The following ZNF821 variants were observed in gnomAD, a reference collection of about 807,000 sequenced individuals.
ZNF821 encodes the protein zinc finger protein 821.
ZNF821 carries 16 observed loss-of-function variants against 44.3 expected under a neutral mutation model. The ratio of observed to expected loss-of-function variants is 0.36; its 90% CI spans 0.24 to 0.55. The LOEUF (loss-of-function observed/expected upper bound fraction) is 0.55, where lower values mean the gene tolerates loss of function less well. Among genes scored for constraint, ZNF821 ranks in the 20% least tolerant of loss-of-function variants. ZNF821 has a pLI of 0.86. For missense variants in ZNF821, 436 were observed against 547.6 expected, an observed-to-expected ratio of 0.80 and a Z score of 2.03; for synonymous variants, 204 against 197.6, an observed-to-expected ratio of 1.03 and a Z score of -0.27.
At chr16:71,876,801 T>A (rs1052562800) in intron 3 of ZNF821, among the ~76,000 whole-genome samples, 1 of 151,798 alleles carries the variant, frequency 6.6e-6, no homozygotes, top group Admixed American at 6.6e-5. Flanking sequence ...ACAGATGGAG[T>A]TTTGCCTTGT....
intron 6 of ZNF821, among the ~76,000 whole-genome samples, chr16:71,862,807 CCT>C (rs2034056359): frequency 6.6e-6 from 1 of 152,128 alleles, no homozygotes; most frequent in African/African-American, 2.4e-5. Context: ...GTACAGGTGC[CCT>C]GTGATTGGAT....
intron 1 of ZNF821, chr16:71,894,698 C>CTTTTTTT: frequency 9.0e-6 from 4 of 443,580 alleles, no homozygotes; most frequent in Non-Finnish European, 1.2e-5. Flanking sequence ...TAATTTTTAA[C>CTTTTTTT]TTTTTTTTTT....
chr16:71,888,643 T>C (rs536684390), upstream of ZNF821, among the ~76,000 whole-genome samples: 1 of 152,202 alleles, frequency 6.6e-6, no homozygotes, highest in African/African-American at 2.4e-5. Context: ...TGCCTATCCT[T>C]ATGCCACTAT....
exon 1 of ZNF821, chr16:71,895,052 AAGAGT>A (rs2142507645): frequency 2.1e-6 from 1 of 487,494 alleles, no homozygotes; most frequent in East Asian, 3.6e-5. Context: ...GCGCTGGGTG[AAGAGT>A]CAGGGATACG....
intron 6 of ZNF821, among the ~76,000 whole-genome samples, chr16:71,863,307 A>G (rs1225709038): frequency 6.6e-6 from 1 of 151,832 alleles, no homozygotes; most frequent in African/African-American, 2.4e-5. Context: ...AAAATCACTT[A>G]ATTTTCACAG....
At position 71,860,759 on chromosome 16, in the gene ZNF821, C is replaced by T; in HGVS notation, c.585-87G>A. The stretch of plus-strand genomic sequence containing the variant: ...CTGCCTTATTCTTTTCCTATGAGGC[C>T]AGTGGCTCCACGCTCACCACAAGGG... On this transcript the variant is annotated intron_variant, in intron 7 of 7. Transcript: ENST00000425432. This position sits in a 1 kb window ranked among gnomAD's most constrained non-coding sequence, Gnocchi z 7.3. 7.3e-7 allele frequency: 1 copy of T among 1,367,356 alleles called. No homozygotes were observed. Among genetic ancestry groups the T allele is most frequent in the South Asian group, 1.4e-5 (1 of 72,240 alleles). 84.7% of individuals were successfully genotyped at this position (1,367,356 alleles called of 1,614,324 possible).
chr16:71,879,383 G>A (rs1456007974), intron 3 of ZNF821, among the ~76,000 whole-genome samples: 1 of 151,820 alleles, frequency 6.6e-6, no homozygotes, highest in African/African-American at 2.4e-5. Flanking sequence ...CCCAGTTCAG[G>A]CGCATGGTCT....
chr16:71,863,741 A>T (rs2034204033), intron 6 of ZNF821, among the ~76,000 whole-genome samples: 1 of 151,818 alleles, frequency 6.6e-6, no homozygotes, highest in African/African-American at 2.4e-5. Context: ...TCTGTCACCC[A>T]GGCTGGAGTG....
intron 1 of ZNF821, 55 bp downstream of exon 1, chr16:71,883,853 C>T (rs1743533758): frequency 1.3e-5 from 2 of 152,666 alleles, no homozygotes; most frequent in African/African-American, 2.4e-5. Flanking sequence ...CGCGAGGGGG[C>T]GAGGAGCCCG....
At chr16:71,891,994 T>TTA (rs2036888436) in intron 1 of ZNF821, among the ~76,000 whole-genome samples, 1 of 21,734 alleles carries the variant, frequency 4.6e-5, no homozygotes, top group Non-Finnish European at 7.3e-5. Flanking sequence ...AGACTCCGTC[T>TTA]CAAAAAAAAA....
Position 71,881,274 on chromosome 16 carries a change from TAGA to T in ZNF821, c.-77-1254_-77-1252del, listed in dbSNP as rs1482651335. On this transcript the variant is annotated intron_variant, in intron 2 of 7. Transcript: ENST00000425432. ...ATGCCAACTAACTCCTCTATGTAGC[TAGA>T]AGGACCTCAAACCTATAATCAGATC... is the stretch of plus-strand genomic sequence containing the variant. 2.6e-5 allele frequency: 4 copies of T among 152,330 alleles called. No homozygotes were observed. The East Asian group carries it at 7.7e-4, about 29-fold the overall frequency. The allele number at this position is 152,330 out of a possible 1,614,324, so 9.4% of individuals were successfully genotyped here. A position where few individuals can be genotyped will look rare whatever the true frequency, so the allele number is the denominator to read the frequency against.
chr16:71,884,870 T>G (rs1485898462), upstream of ZNF821: 1 of 142,206 alleles, frequency 7.0e-6, no homozygotes, highest in Admixed American at 6.8e-5. Context: ...TTTTTTTTTT[T>G]TTTTTGAGAC....
chr16:71,878,169 C>T (rs968786074), intron 3 of ZNF821, among the ~76,000 whole-genome samples: 6 of 147,516 alleles, frequency 4.1e-5, no homozygotes, highest in East Asian at 2.0e-4. Flanking sequence ...GTCAGTGACA[C>T]GATCTTGGCT....
chr16:71,878,696 G>T (rs182944574), intron 3 of ZNF821, among the ~76,000 whole-genome samples: 23 of 152,094 alleles, frequency 1.5e-4, no homozygotes, highest in Admixed American at 8.5e-4. Context: ...TTGGGAGCCC[G>T]AGGTGGCCAG....
chr16:71,878,692 G>A (rs549590648), intron 3 of ZNF821, among the ~76,000 whole-genome samples: 4 of 152,102 alleles, frequency 2.6e-5, no homozygotes, highest in Admixed American at 2.0e-4. Context: ...CACTTTGGGA[G>A]CCCGAGGTGG....
At chr16:71,877,836 C>T (rs549627283) in intron 3 of ZNF821, among the ~76,000 whole-genome samples, 17 of 151,234 alleles carry the variant, frequency 1.1e-4, no homozygotes, top group Admixed American at 9.2e-4. Context: ...GGGAGGATCG[C>T]TTGAGCCCAG....
intron 1 of ZNF821, among the ~76,000 whole-genome samples, chr16:71,891,784 C>A (rs1025564334): frequency 6.6e-6 from 1 of 151,836 alleles, no homozygotes; most frequent in Non-Finnish European, 1.5e-5. Flanking sequence ...CTGAGGCGGG[C>A]GGATCATGAG....
In ZNF821 at chr16:71,892,178, CAAAAAAAAAAAAAAAAA is replaced by C. The variant is rs560376648; in HGVS notation, n.448+2694_448+2710del. Reference sequence around the variant, plus strand: ...GGGCAACAAGAGAGAAACTCCGTCTCAAAAAAAAAAAAAAAAAAAAAAAAAAAAAAAAGAATCATGTC... The same window carrying C: ...GGGCAACAAGAGAGAAACTCCGTCTCAAAAAAAAAAAAAAAGAATCATGTC... On this transcript the variant is annotated intron_variant and non_coding_transcript_variant, in intron 1 of 2. Coordinates refer to the ZNF821 transcript ENST00000561700. 2.2e-4 allele frequency among the ~76,000 whole-genome samples: 7 copies of C among 31,938 alleles called. 1 individual carries two copies. The highest frequency in any genetic ancestry group is 6.8e-4 in the Admixed American group (1 of 1,466). The allele number at this position is 31,938 out of a possible 152,430, so 21.0% of individuals were successfully genotyped here.
chr16:71,872,901 T>A (rs1209182315), intron 3 of ZNF821, among the ~76,000 whole-genome samples: 1 of 152,254 alleles, frequency 6.6e-6, no homozygotes, highest in Non-Finnish European at 1.5e-5. Flanking sequence ...TGTTTTACAA[T>A]CTGAAAGCAA....
Sources: gnomAD v4.1 joint callset for allele counts (sites outside exome capture counted in the v4.1 genomes callset) on GRCh38, gnomAD v4.1.1 for gene constraint, Gnocchi (gnomAD v3.1) non-coding constraint, MANE v1.5 for transcripts, NCBI Gene and HGNC (gene_info 2026-07-23, HGNC 2026-07-21) for gene names.